Variants in HLF observed in about 807,000 individuals in gnomAD.
The protein encoded by HLF is HLF transcription factor, PAR bZIP family member, also known as hepatic leukemia factor.
A neutral mutation model predicts 22.6 loss-of-function variants in HLF; 3 were observed. The ratio of observed to expected loss-of-function variants is 0.13; its 90% CI spans 0.06 to 0.34. HLF has a LOEUF of 0.34. Among genes scored for constraint, HLF ranks in the 10% least tolerant of loss-of-function variants. The pLI is 1.00. For synonymous variants in HLF, 151 were observed against 151.8 expected, an observed-to-expected ratio of 0.99 and a Z score of 0.04; for missense variants, 299 against 389.2, an observed-to-expected ratio of 0.77 and a Z score of 1.95.
chr17:55,280,663 G>A (rs953174446), intron 2 of HLF, among the ~76,000 whole-genome samples: 3 of 152,148 alleles, frequency 2.0e-5, no homozygotes. Context: ...TCTAGTTGTT[G>A]TTGATGGGCT....
intron 2 of HLF, among the ~76,000 whole-genome samples, chr17:55,305,659 C>T (rs1388637741): frequency 6.6e-6 from 1 of 152,232 alleles, no homozygotes; most frequent in Non-Finnish European, 1.5e-5. Context: ...TCTCCCTCTC[C>T]ACTTTTTCCT....
chr17:55,266,814 G>A (rs1001023042), intron 1 of HLF: 3 of 985,030 alleles, frequency 3.0e-6, no homozygotes, highest in Non-Finnish European at 3.6e-6. Context: ...GGCAAGATCC[G>A]GAATGCTTGT....
chr17:55,271,612 C>T (rs1052268174), intron 2 of HLF: 1 of 152,226 alleles, frequency 6.6e-6, no homozygotes, highest in South Asian at 2.1e-4. Flanking sequence ...TCGCTGCAAC[C>T]TCCACCTCCG....
At chr17:55,305,208 T>G (rs1438252058) in intron 2 of HLF, among the ~76,000 whole-genome samples, 3 of 152,170 alleles carry the variant, frequency 2.0e-5, no homozygotes, top group Non-Finnish European at 4.4e-5. Context: ...AGAAGCTCCT[T>G]AAAAATACTA....
intron 2 of HLF, among the ~76,000 whole-genome samples, chr17:55,294,335 C>T (rs1470008693): frequency 1.3e-5 from 2 of 152,188 alleles, no homozygotes; most frequent in Non-Finnish European, 2.9e-5. Context: ...TGTAAAGAAG[C>T]ATACATGAAT....
intron 2 of HLF, among the ~76,000 whole-genome samples, chr17:55,285,318 T>C (rs1215656396): frequency 6.6e-6 from 1 of 152,242 alleles, no homozygotes; most frequent in Admixed American, 6.5e-5. Context: ...TTGAGGACTT[T>C]GGTCTGTAGC....
intron 2 of HLF, among the ~76,000 whole-genome samples, chr17:55,295,092 C>T (rs947114315): frequency 2.6e-5 from 4 of 151,902 alleles, no homozygotes; most frequent in African/African-American, 4.8e-5. Context: ...TTATGAATGG[C>T]GAAGAGATAT....
chr17:55,291,810 T>C (rs979038078), intron 2 of HLF, among the ~76,000 whole-genome samples: 3 of 152,216 alleles, frequency 2.0e-5, no homozygotes, highest in Admixed American at 2.0e-4. Context: ...GTTAAAAACA[T>C]TCATGATTCA....
At chr17:55,313,245 G>GAGC (rs1904916567) in intron 2 of HLF, among the ~76,000 whole-genome samples, 2 of 152,182 alleles carry the variant, frequency 1.3e-5, no homozygotes, top group African/African-American at 4.8e-5. Flanking sequence ...ATTAAATGAG[G>GAGC]AGCAGTCTTT....
chr17:55,267,421 A>G (rs1419319172), intron 1 of HLF, among the ~76,000 whole-genome samples: 1 of 152,208 alleles, frequency 6.6e-6, no homozygotes, highest in Non-Finnish European at 1.5e-5. Context: ...ATAATCACAG[A>G]TGTTATATTC....
chr17:55,290,888 T>G (rs545796908), intron 2 of HLF, among the ~76,000 whole-genome samples: 3 of 152,238 alleles, frequency 2.0e-5, no homozygotes, highest in East Asian at 1.9e-4. Flanking sequence ...CACAAATGAT[T>G]AGAAAGTGAA....
At chr17:55,311,201 A>C (rs985285062) in intron 2 of HLF, among the ~76,000 whole-genome samples, 2 of 152,216 alleles carry the variant, frequency 1.3e-5, no homozygotes, top group African/African-American at 2.4e-5. Context: ...ACCAATAAAC[A>C]TGCAAGATGT....
intron 2 of HLF, among the ~76,000 whole-genome samples, chr17:55,270,542 A>G (rs1334009653): frequency 6.6e-6 from 1 of 152,262 alleles, no homozygotes; most frequent in Non-Finnish European, 1.5e-5. Context: ...CTTGAGGAAA[A>G]TAAGTCCTCA....
At position 55,317,008 on chromosome 17, in the gene HLF, CCCA is replaced by C. The variant is rs1454317163; in HGVS notation, c.672+1562_672+1564del. 4.6e-5 allele frequency among the ~76,000 whole-genome samples: 6 copies of C among 131,084 alleles called. No homozygotes were observed. The East Asian group carries it at 1.3e-3, about 29-fold the overall frequency. 86.0% of individuals were successfully genotyped at this position (131,084 alleles called of 152,430 possible). A position where few individuals can be genotyped will look rare whatever the true frequency, so the allele number is the denominator to read the frequency against. ...TTTGAGATGGAGTCGCACTCTGTTG[CCCA>C]GGCTGGAGTGCAGTGGCACGATCTC... On this transcript the variant is annotated intron_variant, in intron 3 of 3. Coordinates refer to ENST00000226067, the MANE Select transcript of HLF (RefSeq NM_002126.5).
At chr17:55,303,676 T>G (rs1567822202) in intron 2 of HLF, among the ~76,000 whole-genome samples, 1 of 152,210 alleles carries the variant, frequency 6.6e-6, no homozygotes, top group African/African-American at 2.4e-5. Flanking sequence ...GGGTGGATTT[T>G]GGGATTAGCA....
intron 2 of HLF, among the ~76,000 whole-genome samples, chr17:55,310,440 A>AC (rs1904777292): frequency 6.6e-6 from 1 of 152,256 alleles, no homozygotes. Flanking sequence ...AAAAATTATT[A>AC]GTAAAACAAG....
rs1905237441 is a variant in HLF, at chr17:55,320,756, C to T, written c.765C>T (p.Ile255=). 1 of 1,614,072 alleles carries T rather than the reference C, an allele frequency of 6.2e-7. No individual in the cohort carries two copies. The highest frequency in any genetic ancestry group is 1.7e-5 in the Admixed American group (1 of 60,020). The change falls in exon 4 of 4, where the codon ATC becomes ATT. Residue 255 remains isoleucine, a synonymous_variant. Transcript: ENST00000226067. The surrounding 1 kb of genome is among the most constrained non-coding windows in gnomAD (Gnocchi z 4.2). ...GGCTGAAAGAGAACCAGATCGCCAT[C>T]CGGGCCTCGTTCCTGGAGAAGGAGA... is the stretch of plus-strand genomic sequence containing the variant. ...ARRLKENQIA[I]RASFLEKENS... is the part of the protein sequence containing the mutation.
intron 2 of HLF, among the ~76,000 whole-genome samples, chr17:55,296,283 T>A (rs2081111047): frequency 6.6e-6 from 1 of 152,210 alleles, no homozygotes; most frequent in South Asian, 2.1e-4. Context: ...TACCAGTGAT[T>A]TTTTTAAAAG....
At chr17:55,310,979 A>G (rs1904802463) in intron 2 of HLF, among the ~76,000 whole-genome samples, 1 of 152,206 alleles carries the variant, frequency 6.6e-6, no homozygotes, top group South Asian at 2.1e-4. Context: ...AAGCCCACAA[A>G]AAATAAAAAT....
Sources: allele counts gnomAD v4.1 joint callset (sites outside exome capture counted in the v4.1 genomes callset), GRCh38; gene constraint gnomAD v4.1.1; non-coding constraint Gnocchi (gnomAD v3.1); transcripts MANE v1.5; gene names NCBI Gene and HGNC (gene_info 2026-07-23, HGNC 2026-07-21).